ERBB4: variants seen among roughly 807,000 people sequenced by gnomAD.
ERBB4 encodes erb-b2 receptor tyrosine kinase 4.
A neutral mutation model predicts 158.0 loss-of-function variants in ERBB4; 42 were observed. The observed-to-expected ratio is 0.27, with a 90% confidence interval of 0.21 to 0.34. ERBB4 has a LOEUF of 0.34. ERBB4 is among the 10% of genes least tolerant of loss of function. The pLI is 1.00. For synonymous variants in ERBB4, 583 were observed against 558.7 expected (o/e 1.04, Z -0.61); for missense variants, 1,333 against 1,624.1 (o/e 0.82, Z 3.08).
intron 1 of ERBB4, among the ~76,000 whole-genome samples, chr2:212,201,456 A>G (rs1342976742): frequency 2.0e-5 from 3 of 152,086 alleles, no homozygotes; most frequent in Non-Finnish European, 4.4e-5. Flanking sequence ...TATAAGGTGG[A>G]TCCTGGGTGG....
chr2:211,729,092 A>G (rs2074357305), intron 5 of ERBB4, among the ~76,000 whole-genome samples: 1 of 151,822 alleles, frequency 6.6e-6, no homozygotes, highest in Non-Finnish European at 1.5e-5. Flanking sequence ...AAATTATTTA[A>G]TCATTTGTGT....
At chr2:211,892,059 A>T (rs1162183228) in intron 3 of ERBB4, among the ~76,000 whole-genome samples, 6 of 118,230 alleles carry the variant, frequency 5.1e-5, no homozygotes, top group African/African-American at 2.2e-4. Context: ...TCATTTTATG[A>T]GGCCAGCATC....
chr2:212,211,468 C>A (rs1400799932), intron 1 of ERBB4, among the ~76,000 whole-genome samples: 2 of 152,060 alleles, frequency 1.3e-5, no homozygotes, highest in African/African-American at 4.8e-5. Context: ...GTCCTTAGTG[C>A]TTAGCTCTGA....
intron 3 of ERBB4, among the ~76,000 whole-genome samples, chr2:211,929,606 C>G (rs946242496): frequency 6.6e-6 from 1 of 152,052 alleles, no homozygotes; most frequent in Admixed American, 6.6e-5. Flanking sequence ...ATTTGCCATT[C>G]TGTCTATTGA....
intron 1 of ERBB4, among the ~76,000 whole-genome samples, chr2:212,200,485 G>A (rs565451100): frequency 6.6e-6 from 1 of 152,092 alleles, no homozygotes; most frequent in African/African-American, 2.4e-5. Context: ...TAACAGGAAA[G>A]CTGTATTAAT....
chr2:212,130,013 C>G (rs16847762), intron 1 of ERBB4, among the ~76,000 whole-genome samples: 3,308 of 152,056 alleles, frequency 0.022, 127 homozygotes, highest in African/African-American at 0.076. Context: ...CACTGAGTAA[C>G]TCACAACTTT....
intron 16 of ERBB4, among the ~76,000 whole-genome samples, chr2:211,656,956 G>A (rs1020970982): frequency 1.3e-5 from 2 of 151,966 alleles, no homozygotes; most frequent in East Asian, 1.9e-4. Flanking sequence ...TGAGTCTTAC[G>A]TTTTGTTTTT....
chr2:211,917,058 G>C (rs1285077786), intron 3 of ERBB4, among the ~76,000 whole-genome samples: 1 of 152,104 alleles, frequency 6.6e-6, no homozygotes, highest in African/African-American at 2.4e-5. Context: ...GGGAGGCAAG[G>C]TGGCCACGGC....
At chr2:211,384,120 AG>A in intron 27 of ERBB4, 60 bp from the exon 28 acceptor site, 1 of 1,235,564 alleles carries the variant, frequency 8.1e-7, no homozygotes, top group Non-Finnish European at 1.2e-6. Flanking sequence ...AATCAGACCA[AG>A]GTTATACATA....
intron 2 of ERBB4, among the ~76,000 whole-genome samples, chr2:212,120,988 T>C (rs1165809776): frequency 6.6e-6 from 1 of 152,184 alleles, no homozygotes; most frequent in East Asian, 1.9e-4. Context: ...GGAGAGAAGC[T>C]ACTAAGAGCA....
At chr2:211,589,076 T>C (rs1480600273) in intron 19 of ERBB4, among the ~76,000 whole-genome samples, 5 of 152,180 alleles carry the variant, frequency 3.3e-5, no homozygotes, top group Non-Finnish European at 7.4e-5. Context: ...GCTTTAAAAT[T>C]ATCACAGGCA....
intron 3 of ERBB4, among the ~76,000 whole-genome samples, chr2:211,896,571 G>A (rs1200022484): frequency 6.6e-6 from 1 of 152,032 alleles, no homozygotes; most frequent in African/African-American, 2.4e-5. Context: ...CCAGGAGTCT[G>A]TCATCTCCAC....
chr2:212,488,614 C>A (rs770684721), intron 1 of ERBB4, among the ~76,000 whole-genome samples: 2 of 151,768 alleles, frequency 1.3e-5, no homozygotes, highest in African/African-American at 2.4e-5. Context: ...CTAGAGCAGA[C>A]AAAAAATTTA....
intron 1 of ERBB4, among the ~76,000 whole-genome samples, chr2:212,272,678 A>C (rs892095348): frequency 6.6e-6 from 1 of 151,826 alleles, no homozygotes; most frequent in Non-Finnish European, 1.5e-5. Flanking sequence ...GCCATGAGCC[A>C]TACTGATAAT....
chr2:212,075,522 T>C lies in ERBB4; in HGVS notation c.234+49230A>G, dbSNP rs537883708. On this transcript the variant is annotated intron_variant, in intron 2 of 27. Transcript: ENST00000342788. ...CCTTCATCTTTGTGGGTAGTATATC[T>C]CATTGTAGGTGGTTTATCTCAGAGC... Among the ~76,000 whole-genome samples the C allele has an allele frequency of 2.6e-5, 4 of 151,996 alleles. No homozygotes were observed. The East Asian group carries it at 7.7e-4, about 29-fold the overall frequency.
At chr2:211,876,001 T>C (rs913779634) in intron 3 of ERBB4, among the ~76,000 whole-genome samples, 2 of 152,118 alleles carry the variant, frequency 1.3e-5, no homozygotes, top group Non-Finnish European at 2.9e-5. Context: ...TGAAATCACA[T>C]AACAACACAT....
chr2:212,125,981 A>C (rs2079913120), intron 1 of ERBB4, among the ~76,000 whole-genome samples: 1 of 152,204 alleles, frequency 6.6e-6, no homozygotes, highest in Admixed American at 6.5e-5. Flanking sequence ...TTTAGGTCTA[A>C]ACTGAAATAT....
intron 20 of ERBB4, among the ~76,000 whole-genome samples, chr2:211,435,235 C>T (rs1046748898): frequency 2.6e-5 from 4 of 152,196 alleles, no homozygotes; most frequent in African/African-American, 9.7e-5. Context: ...GCCTCATACT[C>T]TGTGCTCTAG....
At chr2:212,229,527 C>T (rs903616483) in intron 1 of ERBB4, among the ~76,000 whole-genome samples, 2 of 152,070 alleles carry the variant, frequency 1.3e-5, no homozygotes, top group Non-Finnish European at 2.9e-5. Context: ...AAATCAAGCT[C>T]AGTATTTAAC....
Sources: gnomAD v4.1 joint callset for allele counts (sites outside exome capture counted in the v4.1 genomes callset) on GRCh38, gnomAD v4.1.1 for gene constraint, MANE v1.5 for transcripts, NCBI Gene and HGNC (gene_info 2026-07-23, HGNC 2026-07-21) for gene names.